The following MLLT3 variants were observed in gnomAD, a reference collection of about 807,000 sequenced individuals.
MLLT3 encodes protein AF-9.
Under a neutral mutation model 53.2 loss-of-function variants are expected in MLLT3, and 4 were observed. The ratio of observed to expected loss-of-function variants is 0.08; its 90% CI spans 0.04 to 0.17. MLLT3 has a LOEUF of 0.17. Ranked by LOEUF, MLLT3 falls within the 10% of genes least tolerant of loss-of-function variation. MLLT3 has a pLI of 1.00. For missense variants in MLLT3, 569 were observed against 684.0 expected (o/e 0.83, Z 1.87); for synonymous variants, 283 against 230.6 (o/e 1.23, Z -2.06).
intron 2 of MLLT3, among the ~76,000 whole-genome samples, chr9:20,585,208 C>A (rs1045820492): frequency 6.6e-6 from 1 of 152,158 alleles, no homozygotes; most frequent in Non-Finnish European, 1.5e-5. Flanking sequence ...AGATGGCCAA[C>A]TTCTCACCGT....
At chr9:20,550,886 T>C (rs551634627) in intron 2 of MLLT3, among the ~76,000 whole-genome samples, 3 of 152,224 alleles carry the variant, frequency 2.0e-5, no homozygotes, top group East Asian at 3.9e-4. Flanking sequence ...GCTTCCCAAG[T>C]AGCTAGGACT....
intron 2 of MLLT3, among the ~76,000 whole-genome samples, chr9:20,499,920 C>A (rs919519466): frequency 6.6e-6 from 1 of 152,104 alleles, no homozygotes; most frequent in African/African-American, 2.4e-5. Context: ...TGTGGGGGAA[C>A]AGGTGTTAAT....
intron 5 of MLLT3, chr9:20,380,213 T>C (rs115664284): frequency 6.6e-6 from 1 of 152,070 alleles, no homozygotes; most frequent in African/African-American, 2.4e-5. Context: ...TCACAGGATG[T>C]CCTTCAACAA....
intron 5 of MLLT3, among the ~76,000 whole-genome samples, chr9:20,371,766 A>C (rs1337682981): frequency 6.6e-6 from 1 of 152,264 alleles, no homozygotes; most frequent in Non-Finnish European, 1.5e-5. Context: ...TAGCTCATGA[A>C]TCAAGAAGTA....
chr9:20,608,701 G>T (rs1820629261), intron 2 of MLLT3, among the ~76,000 whole-genome samples: 1 of 151,900 alleles, frequency 6.6e-6, no homozygotes. Flanking sequence ...GGGAAAGACA[G>T]TCTTAATCAT....
intron 5 of MLLT3, among the ~76,000 whole-genome samples, chr9:20,372,107 G>A (rs1193662768): frequency 6.6e-6 from 1 of 152,158 alleles, no homozygotes; most frequent in Non-Finnish European, 1.5e-5. Context: ...CTGAATTTTT[G>A]CAATCTCATA....
At chr9:20,379,219 C>T (rs1041060683) in intron 5 of MLLT3, among the ~76,000 whole-genome samples, 1 of 152,140 alleles carries the variant, frequency 6.6e-6, no homozygotes, top group Non-Finnish European at 1.5e-5. Flanking sequence ...ATGAATGACA[C>T]CTCTAGTTCT....
At chr9:20,447,048 C>T (rs1563969199) in intron 4 of MLLT3, among the ~76,000 whole-genome samples, 1 of 152,070 alleles carries the variant, frequency 6.6e-6, no homozygotes, top group African/African-American at 2.4e-5. Flanking sequence ...AAACAGAACT[C>T]AAAAAATGGG....
intron 2 of MLLT3, among the ~76,000 whole-genome samples, chr9:20,599,458 T>TTA (rs1820360960): frequency 7.0e-6 from 1 of 142,518 alleles, no homozygotes. Flanking sequence ...ACCAGATGTT[T>TTA]AAAAAAAAAA....
intron 8 of MLLT3, among the ~76,000 whole-genome samples, chr9:20,356,849 G>C (rs573159335): frequency 6.6e-6 from 1 of 152,296 alleles, no homozygotes; most frequent in East Asian, 1.9e-4. Flanking sequence ...TGAAATCCTA[G>C]TTTCTTTCTT....
At chr9:20,348,866 A>G (rs1018402812) in intron 10 of MLLT3, among the ~76,000 whole-genome samples, 10 of 152,236 alleles carry the variant, frequency 6.6e-5, no homozygotes, top group Non-Finnish European at 1.2e-4. Context: ...AGCTATGCCC[A>G]CAGAGGCTTT....
chr9:20,407,039 A>G (rs1483351147), intron 5 of MLLT3, among the ~76,000 whole-genome samples: 1 of 152,224 alleles, frequency 6.6e-6, no homozygotes, highest in African/African-American at 2.4e-5. Context: ...ACACCAAAAG[A>G]AAACAACCCT....
At chr9:20,431,715 C>G (rs1173774394) in intron 4 of MLLT3, among the ~76,000 whole-genome samples, 1 of 151,724 alleles carries the variant, frequency 6.6e-6, no homozygotes, top group Non-Finnish European at 1.5e-5. Context: ...ATTGCAAAAC[C>G]AAATAAAAAG....
At chr9:20,532,319 AT>A (rs1305463872) in intron 2 of MLLT3, among the ~76,000 whole-genome samples, 4 of 110,968 alleles carry the variant, frequency 3.6e-5, no homozygotes, top group African/African-American at 4.7e-5. Context: ...GGAAAAAAAA[AT>A]ATATATATAT....
intron 5 of MLLT3, among the ~76,000 whole-genome samples, chr9:20,374,026 T>C (rs1821687767): frequency 1.3e-5 from 2 of 152,092 alleles, no homozygotes; most frequent in South Asian, 4.1e-4. Context: ...TCCACCTCAT[T>C]TAGTTTCTCC....
intron 8 of MLLT3, among the ~76,000 whole-genome samples, chr9:20,358,885 G>T (rs1015482821): frequency 6.6e-6 from 1 of 151,926 alleles, no homozygotes; most frequent in South Asian, 2.1e-4. Context: ...GGCTGGGAGC[G>T]GTGGCTCATG....
chr9:20,621,644 G>T lies in MLLT3; in HGVS notation c.12+601C>A. The T allele has an allele frequency of 1.1e-6, 1 of 876,506 alleles. No homozygotes were observed. The highest frequency in any genetic ancestry group is 1.6e-6 in the Non-Finnish European group (1 of 609,416). The allele number at this position is 876,506 out of a possible 1,614,324, so 54.3% of individuals were successfully genotyped here. A position where few individuals can be genotyped will look rare whatever the true frequency, so the allele number is the denominator to read the frequency against. ...AAATGAAATTCAGAAAGGCAGGGCG[G>T]CGGGCGGACAGCCGCCGAGCCTCGG... On this transcript the variant is annotated intron_variant, in intron 1 of 10. Coordinates refer to ENST00000380338, the MANE Select transcript of MLLT3 (RefSeq NM_004529.4). This position sits in a 1 kb window ranked among gnomAD's most constrained non-coding sequence, Gnocchi z 7.0.
chr9:20,586,085 A>G (rs1437234683), intron 2 of MLLT3, among the ~76,000 whole-genome samples: 1 of 152,192 alleles, frequency 6.6e-6, no homozygotes, highest in African/African-American at 2.4e-5. Context: ...CGGGAAGCCA[A>G]GATGGGAGTA....
intron 2 of MLLT3, among the ~76,000 whole-genome samples, chr9:20,477,635 G>A (rs1401010946): frequency 6.6e-6 from 1 of 152,130 alleles, no homozygotes; most frequent in Non-Finnish European, 1.5e-5. Context: ...GGCCCAGGAA[G>A]AGTCACACAA....
Sources: allele counts gnomAD v4.1 joint callset (sites outside exome capture counted in the v4.1 genomes callset), GRCh38; gene constraint gnomAD v4.1.1; non-coding constraint Gnocchi (gnomAD v3.1); transcripts MANE v1.5; gene names NCBI Gene and HGNC (gene_info 2026-07-23, HGNC 2026-07-21).